ADAM9: variants seen among roughly 807,000 people sequenced by gnomAD.
ADAM9 encodes the protein disintegrin and metalloproteinase domain-containing protein 9.
A neutral mutation model predicts 108.1 loss-of-function variants in ADAM9; 54 were observed. That is an observed-to-expected ratio of 0.50 (90% CI 0.40 to 0.63). The LOEUF (loss-of-function observed/expected upper bound fraction) is 0.63, where lower values mean the gene tolerates loss of function less well. ADAM9 is among the 20% of genes least tolerant of loss of function. The pLI, the probability that ADAM9 is intolerant of heterozygous loss-of-function variation, is 0.00. For synonymous variants in ADAM9, 316 were observed against 336.0 expected, an observed-to-expected ratio of 0.94 and a Z score of 0.65; for missense variants, 830 against 997.7, an observed-to-expected ratio of 0.83 and a Z score of 2.26.
chr8:39,009,897 G>C (rs1434349698), intron 2 of ADAM9, among the ~76,000 whole-genome samples: 1 of 6,580 alleles, frequency 1.5e-4, no homozygotes, highest in Non-Finnish European at 2.8e-4. Flanking sequence ...TCTAGTGATG[G>C]GGGGGGGGGG....
chr8:39,071,634 T>C (rs941483101), intron 15 of ADAM9, among the ~76,000 whole-genome samples: 1 of 152,010 alleles, frequency 6.6e-6, no homozygotes, highest in African/African-American at 2.4e-5. Flanking sequence ...GCCCAGCTAA[T>C]TTTTTGTATT....
intron 3 of ADAM9, among the ~76,000 whole-genome samples, chr8:39,012,582 G>A (rs549144250): frequency 1.3e-5 from 2 of 152,324 alleles, no homozygotes; most frequent in South Asian, 4.1e-4. Flanking sequence ...TTAAGAAAAT[G>A]TGGCACATAG....
chr8:39,075,306 T>A (rs1007961746), intron 15 of ADAM9, among the ~76,000 whole-genome samples: 2 of 152,196 alleles, frequency 1.3e-5, no homozygotes, highest in Non-Finnish European at 2.9e-5. Context: ...CTGGGTAGTC[T>A]TATTAATATT....
chr8:39,045,554 GTATATGTGTGTGTGTGTA>G (rs1438399915), intron 12 of ADAM9, among the ~76,000 whole-genome samples: 8 of 84,378 alleles, frequency 9.5e-5, no homozygotes, highest in Admixed American at 1.5e-4. Flanking sequence ...ATGTGTGTGT[GTATATGTGTGTGTGTGTA>G]TATATATATA....
chr8:39,046,710 G>A (rs1837786023), intron 12 of ADAM9, among the ~76,000 whole-genome samples: 2 of 152,106 alleles, frequency 1.3e-5, no homozygotes, highest in South Asian at 2.1e-4. Context: ...TATCTATTGA[G>A]ATGATCATGC....
intron 14 of ADAM9, among the ~76,000 whole-genome samples, chr8:39,065,543 C>G (rs1838434777): frequency 1.3e-5 from 2 of 151,348 alleles, no homozygotes; most frequent in Admixed American, 6.6e-5. Context: ...GCCTGTATTC[C>G]CAGCTACTCG....
At chr8:39,045,411 CGCGT>C (rs1457580120) in intron 12 of ADAM9, among the ~76,000 whole-genome samples, 4 of 20,742 alleles carry the variant, frequency 1.9e-4, no homozygotes, top group African/African-American at 4.3e-4. Flanking sequence ...CCTATATGTG[CGCGT>C]GTGTACACAC....
intron 14 of ADAM9, among the ~76,000 whole-genome samples, chr8:39,063,396 A>G (rs1435432282): frequency 6.6e-6 from 1 of 152,214 alleles, no homozygotes; most frequent in Non-Finnish European, 1.5e-5. Context: ...TAGTCCCCTC[A>G]GATGTTGGAG....
At chr8:39,042,209 C>G in intron 12 of ADAM9, 92 bp downstream of exon 12, 1 of 1,431,242 alleles carries the variant, frequency 7.0e-7, no homozygotes, top group Non-Finnish European at 9.8e-7. Context: ...GACATAGGAG[C>G]TAAAGTAAAA....
chr8:39,049,651 C>G lies in ADAM9; in HGVS notation c.1303-4830C>G, dbSNP rs539031406. ...ATGGGGTTTTACCATGTTGTCCAGGCTGGTCTCGAACTCCTGACCTCAAGT... is the reference window on the plus strand; with the variant it reads ...ATGGGGTTTTACCATGTTGTCCAGGGTGGTCTCGAACTCCTGACCTCAAGT... On this transcript the variant is annotated intron_variant, in intron 12 of 21. Coordinates refer to ENST00000487273, the MANE Select transcript of ADAM9 (RefSeq NM_003816.3). 2.6e-5 allele frequency among the ~76,000 whole-genome samples: 4 copies of G among 152,142 alleles called. No individual in the cohort carries two copies. In the East Asian group the frequency reaches 7.7e-4, roughly 29 times the overall value.
intron 6 of ADAM9, among the ~76,000 whole-genome samples, chr8:39,018,177 G>A (rs6981225): frequency 6.6e-6 from 1 of 152,176 alleles, no homozygotes; most frequent in Non-Finnish European, 1.5e-5. Context: ...CTACATATGA[G>A]ATTCTGTTGC....
chr8:39,089,610 T>C (rs746650634), intron 18 of ADAM9, among the ~76,000 whole-genome samples: 14 of 152,218 alleles, frequency 9.2e-5, no homozygotes, highest in Non-Finnish European at 1.8e-4. Flanking sequence ...TGGAAAAATA[T>C]AAGTGTTTAT....
chr8:38,999,796 A>G (rs183262300), intron 1 of ADAM9, among the ~76,000 whole-genome samples: 11 of 152,356 alleles, frequency 7.2e-5, no homozygotes, highest in Non-Finnish European at 7.3e-5. Context: ...CTGGGTTTAT[A>G]ATAGAATTTA....
chr8:39,037,889 T>G (rs1837336350), intron 11 of ADAM9, among the ~76,000 whole-genome samples: 1 of 152,192 alleles, frequency 6.6e-6, no homozygotes, highest in Non-Finnish European at 1.5e-5. Flanking sequence ...AGGCTCAAAC[T>G]CCTGTGATCC....
At position 38,997,055 on chromosome 8, in the gene ADAM9, T is replaced by C. The variant is rs1219225150; in HGVS notation, c.-9T>C. 2 of 1,605,782 alleles carry C rather than the reference T, an allele frequency of 1.2e-6. No individual in the cohort carries two copies. Among genetic ancestry groups the C allele is most frequent in the African/African-American group, 2.7e-5 (2 of 74,524 alleles). ...CGAGTGCTGAGAGGAACCTGCGGAATCGGCCGAGATGGGGTCTGGCGCGCG... is the reference window on the plus strand; with the variant it reads ...CGAGTGCTGAGAGGAACCTGCGGAACCGGCCGAGATGGGGTCTGGCGCGCG... On this transcript the variant is annotated 5_prime_UTR_variant, in exon 1 of 22. Transcript: ENST00000487273.
chr8:39,010,152 G>C (rs972711879), intron 2 of ADAM9, among the ~76,000 whole-genome samples: 2 of 151,958 alleles, frequency 1.3e-5, no homozygotes, highest in Admixed American at 6.6e-5. Flanking sequence ...CTAGAAGGAG[G>C]GGGGTGAACA....
chr8:39,086,071 G>C (rs1264610156), intron 18 of ADAM9, among the ~76,000 whole-genome samples: 1 of 152,058 alleles, frequency 6.6e-6, no homozygotes, highest in Non-Finnish European at 1.5e-5. Context: ...CTGGAGTGCA[G>C]TGGTATGATC....
intron 12 of ADAM9, among the ~76,000 whole-genome samples, chr8:39,049,800 G>T (rs964616579): frequency 6.6e-6 from 1 of 152,028 alleles, no homozygotes; most frequent in Admixed American, 6.6e-5. Context: ...GATTTACCCA[G>T]TACCATTAAC....
intron 11 of ADAM9, among the ~76,000 whole-genome samples, chr8:39,035,947 A>G (rs1006911832): frequency 7.9e-5 from 12 of 151,764 alleles, no homozygotes; most frequent in Admixed American, 7.2e-4. Flanking sequence ...CTGATATTAA[A>G]CTTTCTTTTT....
Sources: allele counts gnomAD v4.1 joint callset (sites outside exome capture counted in the v4.1 genomes callset), GRCh38; gene constraint gnomAD v4.1.1; transcripts MANE v1.5; gene names NCBI Gene and HGNC (gene_info 2026-07-23, HGNC 2026-07-21).